Variants in DMD observed in about 807,000 individuals in gnomAD.
The protein encoded by DMD is dystrophin, also known as mutant dystrophin.
Under a neutral mutation model 330.1 loss-of-function variants are expected in DMD, and 63 were observed. That is an observed-to-expected ratio of 0.19 (90% confidence interval 0.16 to 0.24). DMD has a LOEUF of 0.24. DMD is among the 10% of genes least tolerant of loss of function. The probability of loss-of-function intolerance (pLI) is 1.00; values close to 1 mark genes in which losing one functional copy is unlikely to be tolerated. For synonymous variants in DMD, 1,223 were observed against 959.8 expected (o/e 1.27, Z -5.07); for missense variants, 3,344 against 2,684.1 (o/e 1.25, Z -5.43).
intron 7 of DMD, among the ~76,000 whole-genome samples, chrX:32,727,058 A>T (rs1465100876): frequency 9.0e-6 from 1 of 110,982 alleles, no homozygotes; most frequent in Non-Finnish European, 1.9e-5. Context: ...TCAATGTGTG[A>T]ATGTTACAAA....
intron 60 of DMD, among the ~76,000 whole-genome samples, chrX:31,370,638 C>T (rs2059506015): frequency 8.9e-6 from 1 of 112,352 alleles, no homozygotes; most frequent in South Asian, 3.7e-4. Flanking sequence ...AGTTTTAAAA[C>T]TAAACATTCA....
At chrX:31,520,241 C>T (rs945990377) in intron 55 of DMD, among the ~76,000 whole-genome samples, 6 of 111,327 alleles carry the variant, frequency 5.4e-5, no homozygotes, top group East Asian at 2.8e-4. Flanking sequence ...AACTGTAATC[C>T]GGGGGAACCT....
chrX:32,221,248 C>T (rs1217720809), intron 43 of DMD, among the ~76,000 whole-genome samples: 2 of 111,148 alleles, frequency 1.8e-5, no homozygotes, highest in Non-Finnish European at 1.9e-5. Flanking sequence ...GGAAACTCAG[C>T]ATTGGACTGC....
chrX:32,465,498 GCTGTTATCTTTC>G (rs1242713952), intron 23 of DMD, among the ~76,000 whole-genome samples: 27 of 107,892 alleles, frequency 2.5e-4, no homozygotes, highest in African/African-American at 9.1e-4. Context: ...CGATCACCTT[GCTGTTATCTTTC>G]AAGTCTACAT....
intron 55 of DMD, among the ~76,000 whole-genome samples, chrX:31,558,218 A>G (rs2074968668): frequency 8.9e-6 from 1 of 111,775 alleles, no homozygotes; most frequent in Non-Finnish European, 1.9e-5. Context: ...TGAATACATG[A>G]TTGAGTAGAA....
chrX:32,348,957 C>T (rs1440408426), intron 37 of DMD, among the ~76,000 whole-genome samples: 4 of 111,375 alleles, frequency 3.6e-5, no homozygotes, highest in Non-Finnish European at 7.6e-5. Flanking sequence ...GTCATCTTAT[C>T]CTTAGAAAAA....
At chrX:33,102,645 C>A (rs754638412) in intron 1 of DMD, among the ~76,000 whole-genome samples, 7 of 111,013 alleles carry the variant, frequency 6.3e-5, no homozygotes, top group African/African-American at 2.3e-4. Context: ...ACAATTTGTC[C>A]ATGTGTTACC....
rs151197263 is a variant in DMD, at chrX:32,241,276, C to G, written c.6291-24213G>C. On this transcript the variant is annotated intron_variant, in intron 43 of 78. Coordinates refer to ENST00000357033, the MANE Select transcript of DMD (RefSeq NM_004006.3). ...CGCGTCCCGTGGTCTCCAGCCACCC[C>G]TTTAAGGTTTAAAGTTCTTGCACTG... Among the ~76,000 whole-genome samples, 1,021 of 112,119 alleles carry G rather than the reference C, an allele frequency of 9.1e-3. 9 individuals are homozygous for G. Among genetic ancestry groups the G allele is most frequent in the African/African-American group, 0.03 (936 of 30,881 alleles).
intron 60 of DMD, among the ~76,000 whole-genome samples, chrX:31,363,318 A>G (rs1325092014): frequency 9.1e-6 from 1 of 110,244 alleles, no homozygotes; most frequent in Non-Finnish European, 1.9e-5. Flanking sequence ...AACTATCAAG[A>G]ATGTATCAAC....
chrX:31,939,082 T>C (rs1302651916), intron 45 of DMD, among the ~76,000 whole-genome samples: 1 of 112,010 alleles, frequency 8.9e-6, no homozygotes, highest in African/African-American at 3.2e-5. Context: ...GACCATCTTG[T>C]AATTTGAGAA....
intron 1 of DMD, among the ~76,000 whole-genome samples, chrX:33,258,648 C>T (rs2052899073): frequency 9.0e-6 from 1 of 110,818 alleles, no homozygotes; most frequent in Non-Finnish European, 1.9e-5. Context: ...CTAGAGATGC[C>T]TTTCTCCACT....
intron 16 of DMD, among the ~76,000 whole-genome samples, chrX:32,557,155 T>C (rs1028776963): frequency 1.8e-5 from 2 of 111,507 alleles, no homozygotes; most frequent in East Asian, 2.8e-4. Context: ...AGTGACCTTG[T>C]TGAGGCAGAT....
rs765674406 is a variant in DMD, at chrX:32,614,318, T to G, written c.1467A>C (p.Gln489His). Residue 489 changes from glutamine to histidine, a missense_variant, in exon 12 of 79, where the codon CAA (glutamine) becomes CAC (histidine). Transcript: ENST00000357033. ...LGPDLEDLKR[Q>H]VQQHKVLQED... is the part of the protein sequence containing the mutation. ...ATACACCTACCTTATGTTGTTGTACTTGGCGTTTTAGGTCTTCAAGATCAG... is the reference window on the plus strand; with the variant it reads ...ATACACCTACCTTATGTTGTTGTACGTGGCGTTTTAGGTCTTCAAGATCAG... The G allele has an allele frequency of 1.7e-6, 2 of 1,208,902 alleles. No homozygotes were observed. The highest frequency in any genetic ancestry group is 1.8e-5 in the South Asian group (1 of 56,879).
At chrX:33,226,694 T>C (rs956085129) in intron 1 of DMD, among the ~76,000 whole-genome samples, 8 of 111,063 alleles carry the variant, frequency 7.2e-5, no homozygotes, top group African/African-American at 2.6e-4. Context: ...GTTCTATAGT[T>C]CTGTGACTTT....
chrX:32,583,496 T>C (rs1163985546), intron 13 of DMD, among the ~76,000 whole-genome samples: 1 of 111,058 alleles, frequency 9.0e-6, no homozygotes, highest in African/African-American at 3.3e-5. Context: ...CGAAACTCCA[T>C]CTCAAAAAAA....
At chrX:33,079,617 G>A (rs990067704) in intron 1 of DMD, among the ~76,000 whole-genome samples, 5 of 111,131 alleles carry the variant, frequency 4.5e-5, no homozygotes, top group African/African-American at 9.8e-5. Context: ...TGCAAAATAC[G>A]CCAAATGTCA....
chrX:32,734,081 T>TA (rs1326909676), intron 7 of DMD, among the ~76,000 whole-genome samples: 1 of 106,944 alleles, frequency 9.4e-6, no homozygotes, highest in African/African-American at 3.5e-5. Flanking sequence ...ATAAAGGGGA[T>TA]ATCACCACTG....
chrX:32,392,115 C>T (rs576524767), intron 30 of DMD, among the ~76,000 whole-genome samples: 6 of 111,674 alleles, frequency 5.4e-5, no homozygotes, highest in East Asian at 2.8e-4. Flanking sequence ...ATTGTGCTTA[C>T]GAAGTCCCTA....
chrX:32,755,012 A>G (rs2071322961), intron 7 of DMD: 1 of 111,279 alleles, frequency 9.0e-6, no homozygotes, highest in African/African-American at 3.3e-5. Flanking sequence ...TGCCCCTTCA[A>G]AGCCTTTCCT....
Sources: allele counts gnomAD v4.1 joint callset (sites outside exome capture counted in the v4.1 genomes callset), GRCh38; gene constraint gnomAD v4.1.1; transcripts MANE v1.5; gene names NCBI Gene and HGNC (gene_info 2026-07-23, HGNC 2026-07-21).